The following GINS3 variants were observed in gnomAD, a reference collection of about 807,000 sequenced individuals.
The protein encoded by GINS3 is DNA replication complex GINS protein PSF3.
GINS3 carries 18 observed loss-of-function variants against 20.0 expected under a neutral mutation model. That is an observed-to-expected ratio of 0.90 (90% CI 0.62 to 1.33). The LOEUF (loss-of-function observed/expected upper bound fraction) is 1.33, where lower values mean the gene tolerates loss of function less well. Ranked by LOEUF, GINS3 falls within the 40% of genes most tolerant of loss-of-function variation. The pLI is 0.00. For synonymous variants in GINS3, 109 were observed against 107.0 expected (o/e 1.02, Z -0.12); for missense variants, 254 against 273.6 (o/e 0.93, Z 0.51).
rs912660259 is a variant in GINS3, at chr16:58,405,850, C to G, written c.*1121C>G. On this transcript the variant is annotated 3_prime_UTR_variant, in exon 3 of 3. Coordinates refer to ENST00000318129, the MANE Select transcript of GINS3 (RefSeq NM_022770.4). ...CTTCCCCCTGACACCTCACAACTAGCAAAAATTGTCTTTGTCTTTGGAAAT... is the reference window on the plus strand; with the variant it reads ...CTTCCCCCTGACACCTCACAACTAGGAAAAATTGTCTTTGTCTTTGGAAAT... The G allele has an allele frequency of 2.6e-5, 4 of 152,154 alleles. No individual in the cohort carries two copies. The highest frequency in any genetic ancestry group is 9.7e-5 in the African/African-American group (4 of 41,430). 9.4% of individuals were successfully genotyped at this position (152,154 alleles called of 1,614,324 possible).
rs764743818 is a variant in GINS3 at position 58,405,462 on chromosome 16, A to G, written c.*733A>G. On this transcript the variant is annotated 3_prime_UTR_variant, in exon 3 of 3. Transcript: ENST00000318129. ...TCGGAGAGCCTAAGAGCACCCGCACACTTAATTCTACTCCCTGTCTAGAAA... is the reference window on the plus strand; with the variant it reads ...TCGGAGAGCCTAAGAGCACCCGCACGCTTAATTCTACTCCCTGTCTAGAAA... 3 of 152,202 alleles carry G rather than the reference A, an allele frequency of 2.0e-5. No homozygotes were observed. Among genetic ancestry groups the G allele is most frequent in the Non-Finnish European group, 4.4e-5 (3 of 68,034 alleles). The allele number at this position is 152,202 out of a possible 1,614,324, so 9.4% of individuals were successfully genotyped here. A position where few individuals can be genotyped will look rare whatever the true frequency, so the allele number is the denominator to read the frequency against.
At chr16:58,404,176 G>T in intron 2 of GINS3, 1 of 262,704 alleles carries the variant, frequency 3.8e-6, no homozygotes, top group Non-Finnish European at 7.3e-6. Flanking sequence ...TGGGACAGAA[G>T]CATTTGCTAC....
chr16:58,401,834 C>T (rs1355170132), intron 1 of GINS3, among the ~76,000 whole-genome samples: 4 of 152,170 alleles, frequency 2.6e-5, no homozygotes, highest in African/African-American at 4.8e-5. Flanking sequence ...TCTTTGGTCT[C>T]GTAATTCAGG....
intron 1 of GINS3, among the ~76,000 whole-genome samples, chr16:58,396,085 G>C (rs1965851883): frequency 7.0e-6 from 1 of 142,652 alleles, no homozygotes; most frequent in Non-Finnish European, 1.5e-5. Context: ...GCCGGGCGGG[G>C]GGCTGACTCC....
At chr16:58,394,880 G>A (rs759385131) in intron 1 of GINS3, among the ~76,000 whole-genome samples, 121 of 152,230 alleles carry the variant, frequency 7.9e-4, no homozygotes, top group Middle Eastern at 3.4e-3. Context: ...CACACTGAAG[G>A]AGTAGGGAGT....
intron 1 of GINS3, chr16:58,402,852 A>T: frequency 1.8e-6 from 1 of 547,652 alleles, no homozygotes; most frequent in Non-Finnish European, 3.3e-6. Context: ...ACTCTCACTT[A>T]TGCTACATTT....
intron 1 of GINS3, among the ~76,000 whole-genome samples, chr16:58,397,511 G>C (rs1180212500): frequency 6.6e-6 from 1 of 152,066 alleles, no homozygotes; most frequent in Non-Finnish European, 1.5e-5. Context: ...CTCCAGCCTG[G>C]GCACCATTGA....
intron 1 of GINS3, among the ~76,000 whole-genome samples, chr16:58,398,978 C>T (rs1204268589): frequency 6.6e-6 from 1 of 152,026 alleles, no homozygotes; most frequent in Non-Finnish European, 1.5e-5. Flanking sequence ...TTGAGATATT[C>T]TCTATCCTTG....
chr16:58,403,522 T>C (rs528102151), intron 2 of GINS3, 191 bp downstream of exon 2: 73 of 499,898 alleles, frequency 1.5e-4, no homozygotes, highest in Non-Finnish European at 2.1e-4. Context: ...CACACACACA[T>C]TTTTTTAATA....
At position 58,392,747 on chromosome 16, in the gene GINS3, A is replaced by T. The variant is rs753881782; in HGVS notation, c.146A>T (p.Glu49Val). Residue 49 changes from glutamate to valine, a missense_variant, in exon 1 of 3, where the codon GAG becomes GTG. Coordinates refer to ENST00000318129, the MANE Select transcript of GINS3 (RefSeq NM_022770.4). ...AMPRLGAFFL[E>V]RSAGAETDNA... ...CCTCGCCTTGGCGCTTTCTTCCTGG[A>T]GCGGAGCGCAGGCGCCGAGACTGAC... 3.1e-6 allele frequency: 5 copies of T among 1,613,306 alleles called. No homozygotes were observed. In the South Asian group the frequency reaches 5.5e-5, roughly 18 times the overall value.
chr16:58,397,744 C>T (rs577163029), intron 1 of GINS3, among the ~76,000 whole-genome samples: 9 of 152,178 alleles, frequency 5.9e-5, no homozygotes, highest in Admixed American at 5.2e-4. Flanking sequence ...TGCAGTGAGC[C>T]GAGATGGCAG....
In GINS3 at chr16:58,404,479, C is replaced by T; in HGVS notation, c.421-20C>T. 1.3e-6 allele frequency: 2 copies of T among 1,569,982 alleles called. No homozygotes were observed. Among genetic ancestry groups the T allele is most frequent in the Non-Finnish European group, 1.8e-6 (2 of 1,139,962 alleles). ...GGGTGTGAGGTCAACCCTGACTTGT[C>T]TTACTCCCTTGTTTCCCAGACTTTT... On this transcript the variant is annotated intron_variant, in intron 2 of 2. Coordinates refer to ENST00000318129, the MANE Select transcript of GINS3 (RefSeq NM_022770.4).
At chr16:58,402,955 C>A in intron 1 of GINS3, 143 bp from the exon 2 acceptor site, 1 of 637,986 alleles carries the variant, frequency 1.6e-6, no homozygotes, top group Non-Finnish European at 2.7e-6. Flanking sequence ...TGCTTCGAGT[C>A]ACGACCAGGT....
At position 58,392,520 on chromosome 16, in the gene GINS3, C is replaced by T; in HGVS notation, c.-82C>T. The T allele has an allele frequency of 1.4e-6, 2 of 1,477,220 alleles. No individual in the cohort carries two copies. The highest frequency in any genetic ancestry group is 1.3e-5 in the South Asian group (1 of 79,204). The allele number at this position is 1,477,220 out of a possible 1,614,324, so 91.5% of individuals were successfully genotyped here. A position where few individuals can be genotyped will look rare whatever the true frequency, so the allele number is the denominator to read the frequency against. ...GACCCCAACCATCCTGCCCAGTCTC[C>T]GCTTCCCCGTCTTGTACACCCCTAA... On this transcript the variant is annotated 5_prime_UTR_variant, in exon 1 of 3. Coordinates refer to ENST00000318129, the MANE Select transcript of GINS3 (RefSeq NM_022770.4).
Position 58,392,736 on chromosome 16 carries a change from T to C in GINS3, c.135T>C (p.Ala45=). ...AGACCGCCATGCCTCGCCTTGGCGC[T>C]TTCTTCCTGGAGCGGAGCGCAGGCG... ...RTETAMPRLG[A]FFLERSAGAE... The change falls in exon 1 of 3, where the codon GCT becomes GCC. Residue 45 remains alanine (A), a synonymous_variant. Coordinates refer to ENST00000318129, the MANE Select transcript of GINS3 (RefSeq NM_022770.4). The C allele has an allele frequency of 1.2e-6, 2 of 1,613,954 alleles. No individual in the cohort carries two copies. The highest frequency in any genetic ancestry group is 8.5e-7 in the Non-Finnish European group (1 of 1,180,008).
In GINS3 at chr16:58,398,431, G is replaced by A. The variant is rs1965912880; in HGVS notation, c.187-4667G>A. On this transcript the variant is annotated intron_variant, in intron 1 of 2. Coordinates refer to ENST00000318129, the MANE Select transcript of GINS3 (RefSeq NM_022770.4). ...GAGACCAGCCTAGGCAACATAGTGA[G>A]TCCCCATCTCTACAAAAAATTTTTT... 4.6e-5 allele frequency among the ~76,000 whole-genome samples: 7 copies of A among 152,092 alleles called. No homozygotes were observed. In the South Asian group the frequency reaches 1.5e-3, roughly 32 times the overall value.
chr16:58,394,967 AG>A, intron 1 of GINS3: 1 of 389,790 alleles, frequency 2.6e-6, no homozygotes. Flanking sequence ...TTGTGTAGGA[AG>A]GTTTGTATGA....
At chr16:58,394,956 T>G in intron 1 of GINS3, 1 of 373,114 alleles carries the variant, frequency 2.7e-6, no homozygotes, top group Non-Finnish European at 4.8e-6. Flanking sequence ...GCATGGGAGA[T>G]TTGTGTAGGA....
chr16:58,395,964 GC>G (rs1184860348), intron 1 of GINS3, among the ~76,000 whole-genome samples: 1 of 136,688 alleles, frequency 7.3e-6, no homozygotes, highest in African/African-American at 2.7e-5. Flanking sequence ...CGGGGGGCTG[GC>G]CCCCCCACCT....
Sources: allele counts gnomAD v4.1 joint callset (sites outside exome capture counted in the v4.1 genomes callset), GRCh38; gene constraint gnomAD v4.1.1; transcripts MANE v1.5; gene names NCBI Gene and HGNC (gene_info 2026-07-23, HGNC 2026-07-21).